TCTN1: variants seen among roughly 807,000 people sequenced by gnomAD.
The protein encoded by TCTN1 is tectonic-1.
In TCTN1, 58 loss-of-function variants were observed where a neutral mutation model predicts 65.8. That is an observed-to-expected ratio of 0.88 (90% CI 0.71 to 1.10). The LOEUF (loss-of-function observed/expected upper bound fraction) is 1.10, where lower values mean the gene tolerates loss of function less well. Ranked by LOEUF, TCTN1 falls within the 50% of genes least tolerant of loss-of-function variation. The pLI, the probability that TCTN1 is intolerant of heterozygous loss-of-function variation, is 0.00. For synonymous variants in TCTN1, 273 were observed against 289.1 expected, an observed-to-expected ratio of 0.94 and a Z score of 0.57; for missense variants, 645 against 719.4, an observed-to-expected ratio of 0.90 and a Z score of 1.18.
Position 110,641,154 on chromosome 12 carries a change from G to A in TCTN1, c.1104+5G>A, listed in dbSNP as rs2066923557. The A allele has an allele frequency of 1.2e-6, 2 of 1,614,142 alleles. No homozygotes were observed. Among genetic ancestry groups the A allele is most frequent in the Non-Finnish European group, 1.7e-6 (2 of 1,180,026 alleles). Reference sequence around the variant, plus strand: ...TTTGAAATTCATTTTCTTCAGGTAAGGTTGATCAATTTGGCATAAGTATTT... The same window carrying A: ...TTTGAAATTCATTTTCTTCAGGTAAAGTTGATCAATTTGGCATAAGTATTT... On this transcript the variant is annotated splice_donor_5th_base_variant and intron_variant, in intron 9 of 14. Transcript: ENST00000397659.
At chr12:110,646,422 A>G (rs1372189899) in intron 12 of TCTN1, 1 of 151,998 alleles carries the variant, frequency 6.6e-6, no homozygotes. Flanking sequence ...AAAAAATGTC[A>G]GACACACACA....
chr12:110,636,009 T>A (rs895936059), intron 6 of TCTN1: 3 of 175,810 alleles, frequency 1.7e-5, no homozygotes, highest in African/African-American at 4.8e-5. Flanking sequence ...AAGCTGCAGC[T>A]CTACTGGGGA....
chr12:110,622,824 C>T (rs2065536480), intron 2 of TCTN1, among the ~76,000 whole-genome samples: 1 of 152,198 alleles, frequency 6.6e-6, no homozygotes, highest in Admixed American at 6.5e-5. Flanking sequence ...TGTAATTCTG[C>T]AGCATCATAT....
At chr12:110,648,031 G>A in intron 14 of TCTN1, 138 bp downstream of exon 14, 1 of 1,317,292 alleles carries the variant, frequency 7.6e-7, no homozygotes, top group Non-Finnish European at 1.1e-6. Context: ...GAGTGCAGTG[G>A]TGTGATCATG....
intron 10 of TCTN1, chr12:110,641,859 G>GT (rs996126064): frequency 0.066 from 26,015 of 392,334 alleles, 2 homozygotes; most frequent in South Asian, 0.089. Flanking sequence ...AAATGTCAGT[G>GT]TTTTTTTTTT....
intron 3 of TCTN1, chr12:110,628,119 G>A: frequency 6.5e-7 from 1 of 1,536,024 alleles, no homozygotes; most frequent in Non-Finnish European, 8.7e-7. Context: ...CATTCCCATA[G>A]CCATCCGGAG....
At position 110,640,317 on chromosome 12, in the gene TCTN1, G is replaced by T; in HGVS notation, c.844-66G>T. 4 of 1,608,976 alleles carry T rather than the reference G, an allele frequency of 2.5e-6. No individual in the cohort carries two copies. Among genetic ancestry groups the T allele is most frequent in the Non-Finnish European group, 3.4e-6 (4 of 1,176,128 alleles). On this transcript the variant is annotated intron_variant, in intron 7 of 14. Transcript: ENST00000397659. The surrounding 1 kb of genome is among the most constrained non-coding windows in gnomAD (Gnocchi z 4.9). The stretch of plus-strand genomic sequence containing the variant: ...ATCAGGGGAGGTTTCTTTCCAGTTG[G>T]TTGGTTATTTTAGCCCATCCTCCCT...
rs1288366906 is a variant in TCTN1, at chr12:110,640,927, CAG to C, written c.979-96_979-95del. On this transcript the variant is annotated intron_variant, in intron 8 of 14. Transcript: ENST00000397659. This position sits in a 1 kb window ranked among gnomAD's most constrained non-coding sequence, Gnocchi z 4.9. ...AGCAAGGCTTCAACACATGGAGAAA[CAG>C]GGAAAGATTTGCTATCTATGGGTGT... is the stretch of plus-strand genomic sequence containing the variant. 1 of 1,549,906 alleles carries C rather than the reference CAG, an allele frequency of 6.5e-7. No homozygotes were observed. Among genetic ancestry groups the C allele is most frequent in the East Asian group, 2.2e-5 (1 of 44,520 alleles).
intron 1 of TCTN1, chr12:110,616,194 C>T (rs530820394): frequency 2.8e-5 from 11 of 386,848 alleles, no homozygotes; most frequent in African/African-American, 1.9e-4. Context: ...ATTATTATAG[C>T]ATGTGTTCAA....
At chr12:110,623,811 A>G (rs1415825343) in intron 2 of TCTN1, among the ~76,000 whole-genome samples, 1 of 150,982 alleles carries the variant, frequency 6.6e-6, no homozygotes, top group Non-Finnish European at 1.5e-5. Flanking sequence ...CTGGTCTTGA[A>G]CTCCTGGCCT....
At chr12:110,647,962 G>A in intron 14 of TCTN1, 69 bp downstream of exon 14, 1 of 1,600,952 alleles carries the variant, frequency 6.2e-7, no homozygotes, top group South Asian at 1.1e-5. Flanking sequence ...GGGGCTAGAA[G>A]TCCCTAGGGG....
chr12:110,637,015 G>A (rs1286739429), intron 7 of TCTN1, among the ~76,000 whole-genome samples: 2 of 152,156 alleles, frequency 1.3e-5, no homozygotes, highest in Admixed American at 6.5e-5. Context: ...GGATGTCAGG[G>A]TCTCTTCGTG....
intron 3 of TCTN1, 122 bp from the exon 4 acceptor site, chr12:110,628,645 C>A: frequency 1.1e-6 from 1 of 912,190 alleles, no homozygotes; most frequent in South Asian, 1.6e-5. Flanking sequence ...CCAGCCAAGA[C>A]ACTATTTGTT....
intron 5 of TCTN1, among the ~76,000 whole-genome samples, chr12:110,632,993 C>T (rs1330524982): frequency 6.6e-6 from 1 of 152,212 alleles, no homozygotes; most frequent in Non-Finnish European, 1.5e-5. Flanking sequence ...CCCTTAAATA[C>T]TCTCTGTAAT....
chr12:110,641,979 A>G (rs1038947199), intron 10 of TCTN1: 2 of 566,138 alleles, frequency 3.5e-6, no homozygotes, highest in Non-Finnish European at 6.3e-6. Context: ...TTAATTTCAC[A>G]TTTAAACAGA....
chr12:110,648,569 G>A (rs917580431), intron 14 of TCTN1: 5 of 158,494 alleles, frequency 3.2e-5, no homozygotes, highest in African/African-American at 1.2e-4. Context: ...GGGTCCGGTT[G>A]AAATGAGTAC....
Position 110,642,290 on chromosome 12 carries a change from C to T in TCTN1, c.1232C>T (p.Thr411Ile). 1.2e-6 allele frequency: 2 copies of T among 1,614,222 alleles called. No individual in the cohort carries two copies. The highest frequency in any genetic ancestry group is 2.2e-5 in the East Asian group (1 of 44,878). The change falls in exon 11 of 15, where the codon ACT becomes ATT. Residue 411 changes from threonine to isoleucine, a missense_variant. By Grantham distance (89) the Thr-to-Ile change is moderately conservative (BLOSUM62 -1). Transcript: ENST00000397659. ...IQTTNRYGQL[T>I]ILHSTTEQDC... is the part of the protein sequence containing the mutation. ...ACCACAAATAGATATGGACAGCTTA[C>T]TATTCTTCATAGCACAACTGAGCAA...
At chr12:110,630,125 A>G (rs191485131) in intron 4 of TCTN1, 2 of 152,336 alleles carry the variant, frequency 1.3e-5, no homozygotes, top group East Asian at 3.9e-4. Context: ...CCTAATGTAG[A>G]TGATGGGTTG....
intron 1 of TCTN1, chr12:110,616,254 A>AT (rs112976446): frequency 0.04 from 15,773 of 396,766 alleles, 2 homozygotes; most frequent in South Asian, 0.056. Context: ...CTCACACTTT[A>AT]TTTTTTTTTT....
Sources: allele counts gnomAD v4.1 joint callset (sites outside exome capture counted in the v4.1 genomes callset), GRCh38; gene constraint gnomAD v4.1.1; non-coding constraint Gnocchi (gnomAD v3.1); transcripts MANE v1.5; gene names NCBI Gene and HGNC (gene_info 2026-07-23, HGNC 2026-07-21).